The following IL1RAPL1 variants were observed in gnomAD, a reference collection of about 807,000 sequenced individuals.
IL1RAPL1 encodes interleukin 1 receptor accessory protein like 1.
IL1RAPL1 carries 3 observed loss-of-function variants against 48.4 expected under a neutral mutation model. The observed-to-expected ratio is 0.06, with a 90% confidence interval of 0.03 to 0.16. IL1RAPL1 has a LOEUF of 0.16. IL1RAPL1 is among the 10% of genes least tolerant of loss of function. The probability of loss-of-function intolerance (pLI) is 1.00; values close to 1 mark genes in which losing one functional copy is unlikely to be tolerated. For missense variants in IL1RAPL1, 349 were observed against 530.6 expected (o/e 0.66, Z 3.36); for synonymous variants, 185 against 187.7 (o/e 0.99, Z 0.12).
intron 1 of IL1RAPL1, among the ~76,000 whole-genome samples, chrX:28,668,876 G>T (rs1236220122): frequency 5.4e-5 from 6 of 111,792 alleles, no homozygotes; most frequent in African/African-American, 1.6e-4. Flanking sequence ...ACCTGGAACT[G>T]AATTTGTGTC....
chrX:28,786,436 G>T (rs1168052045), intron 1 of IL1RAPL1, among the ~76,000 whole-genome samples: 2 of 111,547 alleles, frequency 1.8e-5, no homozygotes, highest in African/African-American at 6.5e-5. Context: ...CTGCACTCCA[G>T]CCTGAACGAC....
chrX:28,631,747 C>T (rs1934403622), intron 1 of IL1RAPL1, among the ~76,000 whole-genome samples: 1 of 112,639 alleles, frequency 8.9e-6, no homozygotes, highest in Non-Finnish European at 1.9e-5. Context: ...CTATTTTAGA[C>T]AAAGGACTTC....
chrX:29,313,385 A>C (rs920085563), intron 3 of IL1RAPL1, among the ~76,000 whole-genome samples: 5 of 110,647 alleles, frequency 4.5e-5, no homozygotes, highest in African/African-American at 6.6e-5. Context: ...TTTTAATCAA[A>C]TCTCCGCAAA....
chrX:28,815,053 A>G (rs2147278028), intron 2 of IL1RAPL1, among the ~76,000 whole-genome samples: 1 of 110,590 alleles, frequency 9.0e-6, no homozygotes, highest in African/African-American at 3.3e-5. Context: ...CATTGTTACT[A>G]TTATTAAAAT....
At chrX:28,937,593 A>T (rs1302087694) in intron 2 of IL1RAPL1, among the ~76,000 whole-genome samples, 5 of 111,547 alleles carry the variant, frequency 4.5e-5, no homozygotes, top group African/African-American at 1.6e-4. Flanking sequence ...TGAGATTTTT[A>T]AAATCATGGT....
At chrX:29,004,666 G>A (rs67818745) in intron 2 of IL1RAPL1, among the ~76,000 whole-genome samples, 5,060 of 111,358 alleles carry the variant, frequency 0.045, 132 homozygotes, top group African/African-American at 0.073. Context: ...AATTTCATCG[G>A]CTATATACCA....
chrX:28,972,977 C>CT (rs1257345330), intron 2 of IL1RAPL1, among the ~76,000 whole-genome samples: 10 of 111,339 alleles, frequency 9.0e-5, no homozygotes. Context: ...CATGCCCTTC[C>CT]TGCTGTTGTT....
rs901536833 is a variant in IL1RAPL1 at position 29,923,970 on chromosome X, T to C, written c.1057+3876T>C. Among the ~76,000 whole-genome samples, 4 of 111,933 alleles carry C rather than the reference T, an allele frequency of 3.6e-5. No homozygotes were observed. In the South Asian group the frequency reaches 1.5e-3, roughly 42 times the overall value. ...TTTATTATCTTAATGGTTAAGAGCA[T>C]GGACTTAGGAGTAGGGCTGGCTGTG... On this transcript the variant is annotated intron_variant, in intron 8 of 10. Transcript: ENST00000378993.
At chrX:29,846,458 T>G (rs920439172) in intron 6 of IL1RAPL1, among the ~76,000 whole-genome samples, 8 of 111,250 alleles carry the variant, frequency 7.2e-5, no homozygotes, top group Non-Finnish European at 1.3e-4. Flanking sequence ...TTGCTAGAAC[T>G]GTGTTAGAAA....
intron 2 of IL1RAPL1, among the ~76,000 whole-genome samples, chrX:28,888,272 A>AC (rs1052014056): frequency 1.8e-5 from 2 of 110,380 alleles, no homozygotes; most frequent in African/African-American, 6.6e-5. Context: ...AAAAAAAAAA[A>AC]CAAAAACATA....
chrX:29,926,372 A>AG (rs1932891426), intron 8 of IL1RAPL1, among the ~76,000 whole-genome samples: 1 of 111,979 alleles, frequency 8.9e-6, no homozygotes, highest in Admixed American at 9.5e-5. Flanking sequence ...TAAACTCTTT[A>AG]GTCTTTAATC....
chrX:28,658,983 C>T (rs951945440), intron 1 of IL1RAPL1: 79 of 421,434 alleles, frequency 1.9e-4, no homozygotes, highest in Non-Finnish European at 2.6e-4. Context: ...AAAAAATTAA[C>T]GTTCAGAACT....
chrX:29,387,892 C>G (rs901749976), intron 3 of IL1RAPL1, among the ~76,000 whole-genome samples: 1 of 108,352 alleles, frequency 9.2e-6, no homozygotes, highest in Non-Finnish European at 1.9e-5. Flanking sequence ...ACTTGGGAGG[C>G]TGAGGCACGA....
At chrX:29,934,934 C>G (rs1159223744) in intron 8 of IL1RAPL1, among the ~76,000 whole-genome samples, 1 of 111,734 alleles carries the variant, frequency 8.9e-6, no homozygotes, top group Non-Finnish European at 1.9e-5. Flanking sequence ...TAGGATAATG[C>G]ACTGCATTTA....
intron 2 of IL1RAPL1, among the ~76,000 whole-genome samples, chrX:29,182,667 A>G (rs1361151393): frequency 9.0e-6 from 1 of 110,599 alleles, no homozygotes; most frequent in African/African-American, 3.3e-5. Context: ...GGTAACGGCC[A>G]GCATATGACA....
chrX:29,912,457 G>C (rs930278554), intron 6 of IL1RAPL1, among the ~76,000 whole-genome samples: 2 of 111,799 alleles, frequency 1.8e-5, no homozygotes, highest in East Asian at 2.8e-4. Context: ...CTGCCTTTGG[G>C]GAATGCATAG....
At chrX:29,089,400 A>G (rs1443253489) in intron 2 of IL1RAPL1, among the ~76,000 whole-genome samples, 7 of 110,102 alleles carry the variant, frequency 6.4e-5, no homozygotes, top group Non-Finnish European at 7.6e-5. Context: ...GACATGTAAG[A>G]TCTACTCTTT....
Position 29,448,911 on chromosome X carries a change from G to T in IL1RAPL1, c.703+49603G>T, listed in dbSNP as rs183097159. Among the ~76,000 whole-genome samples the T allele has an allele frequency of 1.6e-3, 182 of 111,153 alleles. 1 individual carries two copies. The highest frequency in any genetic ancestry group is 5.5e-3 in the African/African-American group (169 of 30,594). On this transcript the variant is annotated intron_variant, in intron 5 of 10. Transcript: ENST00000378993. Reference sequence around the variant, plus strand: ...TCTTCATTCTCACATGGCGGAGAAGGAGGACTCTGGTATCTTTTCTTCTTA... The same window carrying T: ...TCTTCATTCTCACATGGCGGAGAAGTAGGACTCTGGTATCTTTTCTTCTTA...
rs759825653 is a variant in IL1RAPL1, at chrX:29,886,806, A to G, written c.779-30658A>G. Among the ~76,000 whole-genome samples, 12 of 111,899 alleles carry G rather than the reference A, an allele frequency of 1.1e-4. No homozygotes were observed. In the South Asian group the frequency reaches 4.5e-3, roughly 42 times the overall value. ...ACATCAGGGTTAATTTGAAAATTATAGTTCCTAAAGTAATTGTGTTGCAGA... is the reference window on the plus strand; with the variant it reads ...ACATCAGGGTTAATTTGAAAATTATGGTTCCTAAAGTAATTGTGTTGCAGA... On this transcript the variant is annotated intron_variant, in intron 6 of 10. Coordinates refer to ENST00000378993, the MANE Select transcript of IL1RAPL1 (RefSeq NM_014271.4).
Sources: gnomAD v4.1 joint callset for allele counts (sites outside exome capture counted in the v4.1 genomes callset) on GRCh38, gnomAD v4.1.1 for gene constraint, MANE v1.5 for transcripts, NCBI Gene and HGNC (gene_info 2026-07-23, HGNC 2026-07-21) for gene names.